The following MSH3 variants were observed in gnomAD, a reference collection of about 807,000 sequenced individuals.
MSH3 encodes mutS homolog 3.
MSH3 carries 106 observed loss-of-function variants against 123.3 expected under a neutral mutation model. That is an observed-to-expected ratio of 0.86 (90% CI 0.73 to 1.01). The LOEUF (loss-of-function observed/expected upper bound fraction) is 1.01, where lower values mean the gene tolerates loss of function less well. MSH3 is among the 50% of genes least tolerant of loss of function. The probability of loss-of-function intolerance (pLI) is 0.00; values close to 1 mark genes in which losing one functional copy is unlikely to be tolerated. For missense variants in MSH3, 1,459 were observed against 1,347.6 expected, an observed-to-expected ratio of 1.08 and a Z score of -1.29; for synonymous variants, 515 against 481.4, an observed-to-expected ratio of 1.07 and a Z score of -0.91.
At chr5:80,760,193 T>C (rs888056292) in intron 12 of MSH3, among the ~76,000 whole-genome samples, 1 of 152,214 alleles carries the variant, frequency 6.6e-6, no homozygotes, top group African/African-American at 2.4e-5. Context: ...GTTCATTCTT[T>C]CATCCACTTG....
intron 1 of MSH3, 58 bp from the exon 2 acceptor site, chr5:80,656,353 T>A: frequency 6.2e-7 from 1 of 1,608,916 alleles, no homozygotes; most frequent in Non-Finnish European, 8.5e-7. Context: ...TTGCTTCACA[T>A]ACGTCAGGCC....
At chr5:80,760,233 A>C (rs760953139) in intron 12 of MSH3, among the ~76,000 whole-genome samples, 1 of 152,192 alleles carries the variant, frequency 6.6e-6, no homozygotes, top group African/African-American at 2.4e-5. Flanking sequence ...ATTTACAAAC[A>C]CTTTAAATCC....
intron 20 of MSH3, among the ~76,000 whole-genome samples, chr5:80,818,261 A>C (rs993795248): frequency 6.6e-6 from 1 of 152,102 alleles, no homozygotes; most frequent in Admixed American, 6.5e-5. Flanking sequence ...CTAGATCTAG[A>C]TACCAATTTA....
chr5:80,717,695 A>G (rs561528972), intron 8 of MSH3, among the ~76,000 whole-genome samples: 1 of 152,320 alleles, frequency 6.6e-6, no homozygotes, highest in Non-Finnish European at 1.5e-5. Flanking sequence ...GACAATAGCC[A>G]TTCTAACAGG....
At chr5:80,700,381 T>A (rs375649595) in intron 8 of MSH3, among the ~76,000 whole-genome samples, 1 of 152,096 alleles carries the variant, frequency 6.6e-6, no homozygotes, top group Non-Finnish European at 1.5e-5. Context: ...TCAATTCTGG[T>A]AGTAGAGATG....
intron 8 of MSH3, among the ~76,000 whole-genome samples, chr5:80,698,268 A>G (rs1750529844): frequency 2.0e-5 from 3 of 152,204 alleles, no homozygotes; most frequent in Admixed American, 2.0e-4. Context: ...TCTAAGTTGA[A>G]CATTATTATA....
At position 80,693,072 on chromosome 5, in the gene MSH3, C is replaced by G. The variant is rs1177710243; in HGVS notation, c.1340+13979C>G. On this transcript the variant is annotated intron_variant, in intron 8 of 23. Coordinates refer to ENST00000265081, the MANE Select transcript of MSH3 (RefSeq NM_002439.5). ...GTTTATATAGATAAATATACATGCA[C>G]ATGTATATGTTTATATAGATAAATA... Among the ~76,000 whole-genome samples, 10 of 128,326 alleles carry G rather than the reference C, an allele frequency of 7.8e-5. 1 individual carries two copies. Among genetic ancestry groups the G allele is most frequent in the African/African-American group, 2.9e-4 (10 of 34,536 alleles). 84.2% of individuals were successfully genotyped at this position (128,326 alleles called of 152,430 possible). A position where few individuals can be genotyped will look rare whatever the true frequency, so the allele number is the denominator to read the frequency against.
intron 20 of MSH3, among the ~76,000 whole-genome samples, chr5:80,823,275 C>G (rs1237559940): frequency 6.6e-6 from 1 of 152,098 alleles, no homozygotes; most frequent in Non-Finnish European, 1.5e-5. Context: ...GTAAAACCTC[C>G]TCACCCTCAC....
chr5:80,873,310 T>G (rs1446291121), intron 23 of MSH3, 23 bp downstream of exon 23: 1 of 1,612,430 alleles, frequency 6.2e-7, no homozygotes, highest in Non-Finnish European at 8.5e-7. Flanking sequence ...ATGCTGCATT[T>G]TTTCATTTGT....
At chr5:80,711,004 A>G (rs1750846170) in intron 8 of MSH3, among the ~76,000 whole-genome samples, 2 of 152,144 alleles carry the variant, frequency 1.3e-5, no homozygotes, top group African/African-American at 4.8e-5. Context: ...ACAGACTAGA[A>G]TTTTTTTGTT....
intron 12 of MSH3, among the ~76,000 whole-genome samples, chr5:80,757,323 T>C (rs911107875): frequency 3.9e-5 from 6 of 152,170 alleles, no homozygotes; most frequent in African/African-American, 7.2e-5. Flanking sequence ...CTAGATCTTA[T>C]TCAATATATC....
Position 80,842,498 on chromosome 5 carries a change from C to G in MSH3, c.2814-11632C>G, listed in dbSNP as rs534817233. 2.0e-5 allele frequency among the ~76,000 whole-genome samples: 3 copies of G among 152,244 alleles called. No individual in the cohort carries two copies. The East Asian group carries it at 5.8e-4, about 29-fold the overall frequency. On this transcript the variant is annotated intron_variant, in intron 20 of 23. Transcript: ENST00000265081. ...CACTGAATCTATAAATTACCTTGGG[C>G]AGTATGGCCATTTTCACAATATTGA...
At chr5:80,689,734 C>G (rs1050595208) in intron 8 of MSH3, among the ~76,000 whole-genome samples, 8 of 138,910 alleles carry the variant, frequency 5.8e-5, no homozygotes, top group Non-Finnish European at 1.3e-4. Context: ...TTTTTTTGAT[C>G]TTTATTTTAT....
At chr5:80,834,137 C>G (rs1745468333) in intron 20 of MSH3, among the ~76,000 whole-genome samples, 1 of 152,066 alleles carries the variant, frequency 6.6e-6, no homozygotes. Context: ...GGTACTACAT[C>G]CGTACCATCA....
rs1750433734 is a variant in MSH3 at position 80,694,893 on chromosome 5, A to G, written c.1340+15800A>G. Among the ~76,000 whole-genome samples, 3 of 147,312 alleles carry G rather than the reference A, an allele frequency of 2.0e-5. No homozygotes were observed. In the South Asian group the frequency reaches 6.4e-4, roughly 32 times the overall value. ...TATGATTTCTTTCTTGCTGCTGTCA[A>G]GAATTTTTTTTTTTTTTTTTTTAGT... On this transcript the variant is annotated intron_variant, in intron 8 of 23. Coordinates refer to ENST00000265081, the MANE Select transcript of MSH3 (RefSeq NM_002439.5).
intron 10 of MSH3, among the ~76,000 whole-genome samples, chr5:80,735,314 G>A (rs1439581882): frequency 6.6e-6 from 1 of 151,250 alleles, no homozygotes; most frequent in Admixed American, 6.6e-5. Context: ...AACCTAGGAG[G>A]CGGAGGTTCC....
rs540144263 is a variant in MSH3, at chr5:80,841,886, C to T, written c.2814-12244C>T. On this transcript the variant is annotated intron_variant, in intron 20 of 23. Transcript: ENST00000265081. ...TTCACTCTGATGACAGTTTCTTTTG[C>T]TATGCAGAAACTTTTTAGTTTAATT... Among the ~76,000 whole-genome samples the T allele has an allele frequency of 2.3e-4, 35 of 152,302 alleles. No individual in the cohort carries two copies. In the South Asian group the frequency reaches 7.3e-3, roughly 32 times the overall value.
At chr5:80,779,071 A>G (rs1214775310) in intron 17 of MSH3, among the ~76,000 whole-genome samples, 1 of 148,064 alleles carries the variant, frequency 6.8e-6, no homozygotes, top group African/African-American at 2.5e-5. Flanking sequence ...GGCTCACTGC[A>G]TCCTCCACCT....
At position 80,815,938 on chromosome 5, in the gene MSH3, A is replaced by T. The variant is rs147245660; in HGVS notation, c.2813+2197A>T. The stretch of plus-strand genomic sequence containing the variant: ...CCAACCTTTATGATATATTTACAAT[A>T]TTAGTGTAATATTCTTATCAAGGTA... On this transcript the variant is annotated intron_variant, in intron 20 of 23. Coordinates refer to ENST00000265081, the MANE Select transcript of MSH3 (RefSeq NM_002439.5). Among the ~76,000 whole-genome samples the T allele has an allele frequency of 5.3e-5, 8 of 152,342 alleles. 1 individual carries two copies. Among genetic ancestry groups the T allele is most frequent in the African/African-American group, 1.9e-4 (8 of 41,588 alleles).
Sources: allele counts gnomAD v4.1 joint callset (sites outside exome capture counted in the v4.1 genomes callset), GRCh38; gene constraint gnomAD v4.1.1; transcripts MANE v1.5; gene names NCBI Gene and HGNC (gene_info 2026-07-23, HGNC 2026-07-21).